PCDH15: variants seen among roughly 807,000 people sequenced by gnomAD.
The protein encoded by PCDH15 is protocadherin-15.
Under a neutral mutation model 178.5 loss-of-function variants are expected in PCDH15, and 129 were observed. That is an observed-to-expected ratio of 0.72 (90% confidence interval 0.63 to 0.84). The LOEUF (loss-of-function observed/expected upper bound fraction) is 0.84. Among genes scored for constraint, PCDH15 ranks in the 40% least tolerant of loss-of-function variants. PCDH15 has a pLI of 0.00. For missense variants in PCDH15, 2,230 were observed against 2,099.9 expected, an observed-to-expected ratio of 1.06 and a Z score of -1.21; for synonymous variants, 800 against 732.0, an observed-to-expected ratio of 1.09 and a Z score of -1.50.
chr10:55,568,676 T>A (rs1402487998), intron 2 of PCDH15, among the ~76,000 whole-genome samples: 1 of 152,044 alleles, frequency 6.6e-6, no homozygotes, highest in Non-Finnish European at 1.5e-5. Flanking sequence ...TTCAAGTATC[T>A]AATGAAATAT....
chr10:54,284,942 GT>G (rs1200275798), intron 8 of PCDH15, among the ~76,000 whole-genome samples: 2 of 152,076 alleles, frequency 1.3e-5, no homozygotes, highest in African/African-American at 2.4e-5. Flanking sequence ...ACTAAATAAA[GT>G]AATTGATACA....
At chr10:54,062,262 A>AAAAAAAAAAAAAATAAAAAAAAAAAAAAT (rs2094044389) in intron 18 of PCDH15, among the ~76,000 whole-genome samples, 1 of 134,174 alleles carries the variant, frequency 7.5e-6, no homozygotes, top group Non-Finnish European at 1.6e-5. Context: ...ACAAAAAACA[A>AAAAAAAAAAAAAATAAAAAAAAAAAAAAT]CTAAATGAAA....
chr10:55,442,495 A>T (rs2132070814), intron 2 of PCDH15, among the ~76,000 whole-genome samples: 1 of 130,230 alleles, frequency 7.7e-6, no homozygotes, highest in South Asian at 2.5e-4. Context: ...ATATATATAT[A>T]TATATGTAAG....
intron 26 of PCDH15, among the ~76,000 whole-genome samples, chr10:53,900,562 C>T (rs555558762): frequency 6.6e-6 from 1 of 152,182 alleles, no homozygotes. Flanking sequence ...TACTACCAAA[C>T]TTTCGCCAGA....
At chr10:55,318,639 G>T (rs1843794480) in intron 1 of PCDH15, among the ~76,000 whole-genome samples, 1 of 152,030 alleles carries the variant, frequency 6.6e-6, no homozygotes, top group Non-Finnish European at 1.5e-5. Flanking sequence ...AAAGTTAGAA[G>T]ATGTAAATTA....
chr10:55,478,226 C>G (rs1042915632), intron 2 of PCDH15, among the ~76,000 whole-genome samples: 2 of 151,736 alleles, frequency 1.3e-5, no homozygotes, highest in Non-Finnish European at 3.0e-5. Context: ...TAGTATGAGA[C>G]TTCAGCATCC....
rs1589346381 is a variant in PCDH15, at chr10:54,425,565, C to G, written c.158-46623G>C. Among the ~76,000 whole-genome samples, 2 of 152,230 alleles carry G rather than the reference C, an allele frequency of 1.3e-5. 1 individual carries two copies. Among genetic ancestry groups the G allele is most frequent in the East Asian group, 3.9e-4 (2 of 5,180 alleles). ...AATGGACTAAGACAATGGTCTTATCCTGAACTTTGTAAACTAGAATTGGCT... is the reference window on the plus strand; with the variant it reads ...AATGGACTAAGACAATGGTCTTATCGTGAACTTTGTAAACTAGAATTGGCT... On this transcript the variant is annotated intron_variant, in intron 3 of 37. Coordinates refer to ENST00000644397, the MANE Select transcript of PCDH15 (RefSeq NM_001384140.1).
chr10:53,827,454 G>C lies in PCDH15; in HGVS notation c.4306C>G (p.Pro1436Ala). 6.2e-7 allele frequency: 1 copy of C among 1,613,674 alleles called. No homozygotes were observed. Reference protein sequence around the residue: ...VPAPAPVAAPPPPPPPPPGAH... With the variant: ...VPAPAPVAAPAPPPPPPPGAH... ...CCTGGCGGAGGCGGCGGCGGCGGCG[G>C]GGGCGCTGCCACTGGTGCAGGAGCC... The change falls in exon 32 of 38, where the codon CCG becomes GCG. Residue 1436 changes from proline (P) to alanine (A), a missense_variant. Physicochemically the swap from Pro to Ala is conservative, Grantham distance 27. Coordinates refer to ENST00000644397, the MANE Select transcript of PCDH15 (RefSeq NM_001384140.1).
chr10:54,325,503 C>G (rs556796366), intron 7 of PCDH15, among the ~76,000 whole-genome samples: 88 of 152,140 alleles, frequency 5.8e-4, no homozygotes, highest in African/African-American at 2.0e-3. Context: ...AATCCCAACA[C>G]TTTGGGAGGC....
At chr10:53,860,813 CCATTTTAAGGTTA>C (rs1482382765) in intron 27 of PCDH15, among the ~76,000 whole-genome samples, 1 of 150,716 alleles carries the variant, frequency 6.6e-6, no homozygotes, top group East Asian at 1.9e-4. Context: ...TAGAATATAT[CCATTTTAAGGTTA>C]CATTTTATTA....
At chr10:54,089,461 A>T (rs1002563060) in intron 16 of PCDH15, among the ~76,000 whole-genome samples, 1 of 152,170 alleles carries the variant, frequency 6.6e-6, no homozygotes, top group Non-Finnish European at 1.5e-5. Flanking sequence ...TTTTCTCAAT[A>T]GTTATCATTA....
chr10:53,931,360 A>G (rs79932725), intron 25 of PCDH15, among the ~76,000 whole-genome samples: 1,546 of 152,340 alleles, frequency 0.01, 27 homozygotes, highest in African/African-American at 0.036. Flanking sequence ...ACAAATTTGC[A>G]TACTGTTAGC....
At chr10:54,695,575 G>A (rs931582176) in intron 1 of PCDH15, among the ~76,000 whole-genome samples, 4 of 152,088 alleles carry the variant, frequency 2.6e-5, no homozygotes, top group Non-Finnish European at 4.4e-5. Context: ...ACCTTCTATG[G>A]AAGGATGCCG....
intron 8 of PCDH15, among the ~76,000 whole-genome samples, chr10:54,309,320 T>TAC (rs71984217): frequency 0.022 from 3,244 of 146,250 alleles, 82 homozygotes; most frequent in South Asian, 0.16. Flanking sequence ...TATACGTACA[T>TAC]ACACACACAC....
At chr10:54,569,970 C>T (rs917917852) in intron 2 of PCDH15, among the ~76,000 whole-genome samples, 5 of 152,092 alleles carry the variant, frequency 3.3e-5, no homozygotes, top group African/African-American at 1.2e-4. Flanking sequence ...ATAAATCAGA[C>T]CTCTAGAGGA....
chr10:55,368,086 A>T (rs1845410981), intron 2 of PCDH15, among the ~76,000 whole-genome samples: 1 of 152,114 alleles, frequency 6.6e-6, no homozygotes, highest in African/African-American at 2.4e-5. Flanking sequence ...TAATAATGTT[A>T]TTAAGTATAG....
At chr10:54,006,595 C>T (rs2092394179) in intron 20 of PCDH15, among the ~76,000 whole-genome samples, 1 of 152,204 alleles carries the variant, frequency 6.6e-6, no homozygotes, top group South Asian at 2.1e-4. Flanking sequence ...CCTATCAACA[C>T]TGTCATGATG....
intron 2 of PCDH15, among the ~76,000 whole-genome samples, chr10:54,983,145 T>G (rs374343424): frequency 6.6e-6 from 1 of 152,280 alleles, no homozygotes; most frequent in South Asian, 2.1e-4. Context: ...ATGTTAAAAC[T>G]AATTTAAATA....
intron 5 of PCDH15, among the ~76,000 whole-genome samples, chr10:54,348,965 T>C (rs1943749707): frequency 6.6e-6 from 1 of 152,160 alleles, no homozygotes; most frequent in South Asian, 2.1e-4. Flanking sequence ...CATAATGTCT[T>C]CCAGGTTTAT....
Sources: allele counts gnomAD v4.1 joint callset (sites outside exome capture counted in the v4.1 genomes callset), GRCh38; gene constraint gnomAD v4.1.1; transcripts MANE v1.5; gene names NCBI Gene and HGNC (gene_info 2026-07-23, HGNC 2026-07-21).